The following DCAF6 variants were observed in gnomAD, a reference collection of about 807,000 sequenced individuals.
DCAF6 encodes the protein DDB1 and CUL4 associated factor 6.
A neutral mutation model predicts 125.1 loss-of-function variants in DCAF6; 54 were observed. The observed-to-expected ratio is 0.43, with a 90% CI of 0.35 to 0.54. DCAF6 has a LOEUF of 0.54. Ranked by LOEUF, DCAF6 falls within the 20% of genes least tolerant of loss-of-function variation. DCAF6 has a pLI of 0.01. For synonymous variants in DCAF6, 371 were observed against 390.4 expected, an observed-to-expected ratio of 0.95 and a Z score of 0.58; for missense variants, 934 against 1,161.7, an observed-to-expected ratio of 0.80 and a Z score of 2.85.
the DCAF6 span, among the ~76,000 whole-genome samples, chr1:167,923,640 A>G: frequency 6.6e-6 from 1 of 152,084 alleles, no homozygotes; most frequent in Non-Finnish European, 1.5e-5. Flanking sequence ...ACTTAACGCT[A>G]CTGAACTGTA....
chr1:167,960,161 A>C (rs1675354925), intron 2 of DCAF6, among the ~76,000 whole-genome samples: 1 of 152,100 alleles, frequency 6.6e-6, no homozygotes, highest in African/African-American at 2.4e-5. Flanking sequence ...TCCTTTGTCA[A>C]AGGTCCGATG....
At chr1:167,907,624 G>C in the DCAF6 span, among the ~76,000 whole-genome samples, 1 of 152,214 alleles carries the variant, frequency 6.6e-6, no homozygotes, top group Non-Finnish European at 1.5e-5. Flanking sequence ...ATAGGAAAGA[G>C]AGTTGGAATA....
the DCAF6 span, among the ~76,000 whole-genome samples, chr1:167,914,961 G>A: frequency 6.6e-6 from 1 of 152,142 alleles, no homozygotes; most frequent in Admixed American, 6.5e-5. Flanking sequence ...TGTGAGTTGT[G>A]GAAACCAGTC....
chr1:168,075,747 A>G lies in DCAF6; in HGVS notation c.*312A>G. ...TCAATGTTGAAGAATAATTTTCATCATAGTGAAAATGTTGGTTCAAATAAA... is the reference window on the plus strand; with the variant it reads ...TCAATGTTGAAGAATAATTTTCATCGTAGTGAAAATGTTGGTTCAAATAAA... On this transcript the variant is annotated 3_prime_UTR_variant, in exon 22 of 22. Transcript: ENST00000367840. 1 of 226,522 alleles carries G rather than the reference A, an allele frequency of 4.4e-6. No homozygotes were observed. Among genetic ancestry groups the G allele is most frequent in the Non-Finnish European group, 8.5e-6 (1 of 117,168 alleles). The allele number at this position is 226,522 out of a possible 1,614,324, so 14.0% of individuals were successfully genotyped here.
At chr1:167,961,218 T>A in intron 2 of DCAF6, among the ~76,000 whole-genome samples, 1 of 152,182 alleles carries the variant, frequency 6.6e-6, no homozygotes, top group East Asian at 1.9e-4. Context: ...CAATCACTTA[T>A]TAGTTCCAGG....
At chr1:168,046,240 TAAA>T (rs1235295774) in intron 16 of DCAF6, among the ~76,000 whole-genome samples, 1 of 152,100 alleles carries the variant, frequency 6.6e-6, no homozygotes, top group Non-Finnish European at 1.5e-5. Context: ...GTAAGAATTT[TAAA>T]AAAATCTATC....
intron 16 of DCAF6, among the ~76,000 whole-genome samples, chr1:168,050,128 T>A (rs778987268): frequency 6.6e-6 from 1 of 151,842 alleles, no homozygotes; most frequent in Non-Finnish European, 1.5e-5. Context: ...TCTTGAATAG[T>A]TTTTAATTAT....
chr1:168,006,691 G>C (rs1356861968), intron 10 of DCAF6, among the ~76,000 whole-genome samples: 1 of 152,190 alleles, frequency 6.6e-6, no homozygotes, highest in African/African-American at 2.4e-5. Flanking sequence ...GGAAATGTCA[G>C]CTTAGGACCA....
chr1:167,939,589 C>G (rs557462306), intron 1 of DCAF6, among the ~76,000 whole-genome samples: 13 of 152,232 alleles, frequency 8.5e-5, no homozygotes, highest in African/African-American at 2.9e-4. Context: ...TGGTGAAACC[C>G]TGGTCTTTAC....
At chr1:168,019,412 C>T (rs1685400725) in intron 11 of DCAF6, 1 of 292,948 alleles carries the variant, frequency 3.4e-6, no homozygotes, top group Admixed American at 4.0e-5. Context: ...TATAAAGGCC[C>T]CCATAAGGTT....
At chr1:167,931,741 T>C (rs1424746151), upstream of DCAF6, among the ~76,000 whole-genome samples, 1 of 152,124 alleles carries the variant, frequency 6.6e-6, no homozygotes, top group Admixed American at 6.5e-5. Flanking sequence ...ATATTTGCAC[T>C]AAGTTGTATT....
chr1:167,941,100 G>GT (rs1245460435), intron 1 of DCAF6, among the ~76,000 whole-genome samples: 5 of 151,994 alleles, frequency 3.3e-5, no homozygotes, highest in African/African-American at 1.2e-4. Flanking sequence ...ATGAAGATTA[G>GT]TAACTTCTGA....
At chr1:167,869,730 G>C in the DCAF6 span, among the ~76,000 whole-genome samples, 2 of 152,254 alleles carry the variant, frequency 1.3e-5, no homozygotes, top group Admixed American at 1.3e-4. Context: ...AATCGATCAC[G>C]ACCCTCTCAT....
the DCAF6 span, among the ~76,000 whole-genome samples, chr1:167,880,781 C>T: frequency 6.6e-6 from 1 of 152,214 alleles, no homozygotes; most frequent in African/African-American, 2.4e-5. Context: ...TCTACTGCAT[C>T]ATCAACAGGA....
chr1:168,043,127 A>G lies in DCAF6; in HGVS notation c.1830A>G (p.Gly610=). 6.2e-7 allele frequency: 1 copy of G among 1,612,100 alleles called. No individual in the cohort carries two copies. Among genetic ancestry groups the G allele is most frequent in the South Asian group, 1.1e-5 (1 of 90,786 alleles). The change falls in exon 14 of 22, where the codon GGA becomes GGG. Residue 610 remains glycine (G), a synonymous_variant. Coordinates refer to ENST00000367840, the MANE Select transcript of DCAF6 (RefSeq NM_001198956.2). ...AGAGCTCAGTGCAACCACCAGAAGGAGACAGTGAAACAAGTAAGGTGTTAT... is the reference window on the plus strand; with the variant it reads ...AGAGCTCAGTGCAACCACCAGAAGGGGACAGTGAAACAAGTAAGGTGTTAT... The part of the protein sequence containing the change: ...VPQSSVQPPE[G]DSETKAPEES...
intron 3 of DCAF6, among the ~76,000 whole-genome samples, chr1:167,968,325 GATAA>G (rs762901475): frequency 1.3e-4 from 20 of 152,030 alleles, no homozygotes; most frequent in Non-Finnish European, 2.5e-4. Flanking sequence ...CTGGGACTGA[GATAA>G]ACCACTGAAA....
At chr1:167,936,022 C>G (rs2102571852), upstream of DCAF6, 2 of 610,284 alleles carry the variant, frequency 3.3e-6, no homozygotes, top group Non-Finnish European at 5.8e-6. Flanking sequence ...GCCCGCGCCC[C>G]GCGAAGGTTG....
At chr1:167,935,790 C>T (rs77188947), upstream of DCAF6, 6,097 of 1,561,488 alleles carry the variant, frequency 3.9e-3, 106 homozygotes, top group East Asian at 0.052. Flanking sequence ...TCCACTTTAT[C>T]GAGGAGCCGG....
At chr1:168,029,376 G>A (rs995499975) in intron 12 of DCAF6, among the ~76,000 whole-genome samples, 2 of 152,168 alleles carry the variant, frequency 1.3e-5, no homozygotes, top group African/African-American at 2.4e-5. Flanking sequence ...AGCCATATTT[G>A]TATGTCTGTA....
Sources: gnomAD v4.1 joint callset for allele counts (sites outside exome capture counted in the v4.1 genomes callset) on GRCh38, gnomAD v4.1.1 for gene constraint, MANE v1.5 for transcripts, NCBI Gene and HGNC (gene_info 2026-07-23, HGNC 2026-07-21) for gene names.